LMTK2: variants seen among roughly 807,000 people sequenced by gnomAD.
The protein encoded by LMTK2 is serine/threonine-protein kinase LMTK2.
Under a neutral mutation model 127.5 loss-of-function variants are expected in LMTK2, and 37 were observed. The ratio of observed to expected loss-of-function variants is 0.29; its 90% CI spans 0.22 to 0.38. LMTK2 has a LOEUF of 0.38. LMTK2 is among the 10% of genes least tolerant of loss of function. The pLI, the probability that LMTK2 is intolerant of heterozygous loss-of-function variation, is 1.00. For missense variants in LMTK2, 1,694 were observed against 1,920.3 expected (o/e 0.88, Z 2.20); for synonymous variants, 819 against 810.1 (o/e 1.01, Z -0.19).
intron 6 of LMTK2, among the ~76,000 whole-genome samples, chr7:98,168,357 C>T (rs1247046739): frequency 6.6e-6 from 1 of 152,224 alleles, no homozygotes; most frequent in Non-Finnish European, 1.5e-5. Context: ...AAAAAATAGA[C>T]ACAGGCAGAG....
chr7:98,123,749 A>G (rs1365846242), intron 1 of LMTK2, among the ~76,000 whole-genome samples: 2 of 152,150 alleles, frequency 1.3e-5, no homozygotes, highest in Admixed American at 1.3e-4. Context: ...GTATGTGTAT[A>G]TATGCACACA....
intron 10 of LMTK2, among the ~76,000 whole-genome samples, chr7:98,191,328 C>T (rs1383242304): frequency 6.6e-6 from 1 of 152,038 alleles, no homozygotes; most frequent in East Asian, 2.0e-4. Context: ...CTGAGGTGGG[C>T]AGATCACGAG....
In LMTK2 at chr7:98,197,353, G is replaced by C. The variant is rs76458947; in HGVS notation, c.4107+2781G>C. Among the ~76,000 whole-genome samples the C allele has an allele frequency of 2.1e-3, 316 of 152,320 alleles. 3 individuals are homozygous for C. The highest frequency in any genetic ancestry group is 7.3e-3 in the African/African-American group (304 of 41,576). On this transcript the variant is annotated intron_variant, in intron 11 of 13. Coordinates refer to ENST00000297293, the MANE Select transcript of LMTK2 (RefSeq NM_014916.4). ...GCTAGGGCTTGACCCAAGTCTCCTG[G>C]ACCGAGCACAGAACTTTTCACCACT...
At chr7:98,175,032 G>A (rs1797255275) in intron 7 of LMTK2, among the ~76,000 whole-genome samples, 5 of 152,174 alleles carry the variant, frequency 3.3e-5, no homozygotes, top group Admixed American at 3.3e-4. Flanking sequence ...CGAGGCAGGT[G>A]CCATTATTCA....
intron 7 of LMTK2, among the ~76,000 whole-genome samples, chr7:98,174,104 T>TAAAA (rs11351887): frequency 8.5e-6 from 1 of 117,898 alleles, no homozygotes; most frequent in Non-Finnish European, 1.7e-5. Context: ...CATTTTGTTG[T>TAAAA]AAAAAAAAAA....
intron 6 of LMTK2, among the ~76,000 whole-genome samples, chr7:98,163,658 G>A (rs1245104461): frequency 2.0e-5 from 3 of 152,308 alleles, no homozygotes; most frequent in Non-Finnish European, 4.4e-5. Context: ...ACCAGCCCAG[G>A]GAGCCAGAGA....
At chr7:98,133,867 T>C (rs1796561089) in intron 1 of LMTK2, among the ~76,000 whole-genome samples, 1 of 152,200 alleles carries the variant, frequency 6.6e-6, no homozygotes, top group African/African-American at 2.4e-5. Context: ...CCTTATCCAG[T>C]TCTGTAATAA....
intron 4 of LMTK2, among the ~76,000 whole-genome samples, chr7:98,153,862 TCA>T (rs1796890681): frequency 1.3e-5 from 2 of 150,404 alleles, no homozygotes; most frequent in Admixed American, 6.6e-5. Context: ...CAAGACTGTC[TCA>T]AAAAAAAAAA....
In LMTK2 at chr7:98,135,118, CT is replaced by C. The variant is rs1796579755; in HGVS notation, c.104-2195del. Among the ~76,000 whole-genome samples the C allele has an allele frequency of 4.6e-5, 7 of 152,288 alleles. No homozygotes were observed. In the South Asian group the frequency reaches 1.5e-3, roughly 32 times the overall value. ...AGTTCTGTTTGCAGTTCATTTTAGACTTCCCTGATCTTCACTGAAGCTTATT... is the reference window on the plus strand; with the variant it reads ...AGTTCTGTTTGCAGTTCATTTTAGACTCCCTGATCTTCACTGAAGCTTATT... On this transcript the variant is annotated intron_variant, in intron 1 of 13. Coordinates refer to ENST00000297293, the MANE Select transcript of LMTK2 (RefSeq NM_014916.4).
intron 1 of LMTK2, among the ~76,000 whole-genome samples, chr7:98,114,801 C>G (rs1419664169): frequency 6.6e-6 from 1 of 152,128 alleles, no homozygotes; most frequent in African/African-American, 2.4e-5. Context: ...CATATATTCT[C>G]CCTGTTTGCA....
chr7:98,154,966 A>G, intron 5 of LMTK2, 90 bp downstream of exon 5: 3 of 745,944 alleles, frequency 4.0e-6, no homozygotes, highest in Non-Finnish European at 4.7e-6. Context: ...TTCTGCCTGT[A>G]ACATACATGA....
chr7:98,153,613 TG>T (rs1796887771), intron 4 of LMTK2, among the ~76,000 whole-genome samples: 1 of 152,186 alleles, frequency 6.6e-6, no homozygotes, highest in African/African-American at 2.4e-5. Context: ...AGCTCACGCC[TG>T]TAATTCCAGT....
intron 2 of LMTK2, among the ~76,000 whole-genome samples, chr7:98,139,899 A>T (rs1472664807): frequency 6.6e-6 from 1 of 152,042 alleles, no homozygotes; most frequent in African/African-American, 2.4e-5. Context: ...AGCTTCTGTT[A>T]TGGTGCCTGG....
At chr7:98,179,308 C>T (rs1223016326) in intron 7 of LMTK2, among the ~76,000 whole-genome samples, 1 of 152,220 alleles carries the variant, frequency 6.6e-6, no homozygotes, top group Admixed American at 6.5e-5. Flanking sequence ...AAGCTAGCCT[C>T]AGGCTGCTGC....
chr7:98,189,553 G>A (rs1346657358), intron 9 of LMTK2, among the ~76,000 whole-genome samples: 1 of 152,196 alleles, frequency 6.6e-6, no homozygotes, highest in Non-Finnish European at 1.5e-5. Context: ...ATCTGACCTA[G>A]CAGTGTGTGT....
chr7:98,151,507 G>A, intron 4 of LMTK2, 52 bp downstream of exon 4: 2 of 1,370,488 alleles, frequency 1.5e-6, no homozygotes, highest in Non-Finnish European at 2.1e-6. Flanking sequence ...ACTGTGTTCA[G>A]TGCAGGGCTG....
chr7:98,169,684 C>T (rs1331538859), intron 6 of LMTK2, among the ~76,000 whole-genome samples: 1 of 151,994 alleles, frequency 6.6e-6, no homozygotes, highest in Non-Finnish European at 1.5e-5. Flanking sequence ...TGCCTGTAGT[C>T]CTGGAGTTTT....
At chr7:98,150,748 A>G (rs1478308686) in intron 3 of LMTK2, among the ~76,000 whole-genome samples, 2 of 152,244 alleles carry the variant, frequency 1.3e-5, no homozygotes, top group Non-Finnish European at 2.9e-5. Flanking sequence ...AAGCCATACC[A>G]TCGAAAAAAG....
intron 1 of LMTK2, among the ~76,000 whole-genome samples, chr7:98,113,438 A>C (rs910484894): frequency 6.6e-6 from 1 of 151,970 alleles, no homozygotes; most frequent in African/African-American, 2.4e-5. Context: ...GTAAGAATGG[A>C]CTAATACAGC....
Sources: allele counts gnomAD v4.1 joint callset (sites outside exome capture counted in the v4.1 genomes callset), GRCh38; gene constraint gnomAD v4.1.1; transcripts MANE v1.5; gene names NCBI Gene and HGNC (gene_info 2026-07-23, HGNC 2026-07-21).